ST6GALNAC5: variants seen among roughly 807,000 people sequenced by gnomAD.
ST6GALNAC5 encodes the protein alpha-N-acetylgalactosaminide alpha-2,6-sialyltransferase 5.
ST6GALNAC5 carries 27 observed loss-of-function variants against 33.6 expected under a neutral mutation model. The ratio of observed to expected loss-of-function variants is 0.80; its 90% CI spans 0.59 to 1.11. ST6GALNAC5 has a LOEUF of 1.11. Ranked by LOEUF, ST6GALNAC5 falls within the 50% of genes least tolerant of loss-of-function variation. The pLI, the probability that ST6GALNAC5 is intolerant of heterozygous loss-of-function variation, is 0.00. For synonymous variants in ST6GALNAC5, 194 were observed against 171.2 expected, an observed-to-expected ratio of 1.13 and a Z score of -1.04; for missense variants, 428 against 454.0, an observed-to-expected ratio of 0.94 and a Z score of 0.52.
chr1:77,040,428 A>C (rs1274825346), intron 2 of ST6GALNAC5, among the ~76,000 whole-genome samples: 1 of 152,226 alleles, frequency 6.6e-6, no homozygotes, highest in Admixed American at 6.5e-5. Flanking sequence ...AGGTAGCAGA[A>C]ATCAAGAGGG....
At position 77,050,472 on chromosome 1, in the gene ST6GALNAC5, C is replaced by G. The variant is rs1347127575; in HGVS notation, c.779+107C>G. 3.0e-6 allele frequency: 3 copies of G among 994,026 alleles called. No homozygotes were observed. In the Admixed American group the frequency reaches 6.0e-5, roughly 20 times the overall value. The allele number at this position is 994,026 out of a possible 1,614,324, so 61.6% of individuals were successfully genotyped here. ...AACATGTCTAACTGTCTTCTTGAAG[C>G]AATTAATTAGCATGTCCCAAGTTCT... On this transcript the variant is annotated intron_variant, in intron 4 of 4. Coordinates refer to ENST00000477717, the MANE Select transcript of ST6GALNAC5 (RefSeq NM_030965.3).
intron 2 of ST6GALNAC5, among the ~76,000 whole-genome samples, chr1:76,914,929 T>C (rs1317821697): frequency 6.6e-4 from 100 of 151,714 alleles, no homozygotes; most frequent in African/African-American, 2.3e-3. Context: ...AGAAAATTTT[T>C]GCAACCTACT....
At chr1:77,043,548 T>C (rs1375536401) in intron 2 of ST6GALNAC5, among the ~76,000 whole-genome samples, 1 of 152,196 alleles carries the variant, frequency 6.6e-6, no homozygotes, top group African/African-American at 2.4e-5. Flanking sequence ...TCCGTTAAAA[T>C]AGAAGAAGCA....
Position 77,010,306 on chromosome 1 carries a change from C to T in ST6GALNAC5, c.262-33898C>T, listed in dbSNP as rs1650585047. Among the ~76,000 whole-genome samples, 4 of 152,208 alleles carry T rather than the reference C, an allele frequency of 2.6e-5. No individual in the cohort carries two copies. In the South Asian group the frequency reaches 8.3e-4, roughly 32 times the overall value. On this transcript the variant is annotated intron_variant, in intron 2 of 4. Transcript: ENST00000477717. ...GGTAAGGTGGTCGAGACCAGCCTGACCAACATGGTGAAACCCCATCTCTAC... is the reference window on the plus strand; with the variant it reads ...GGTAAGGTGGTCGAGACCAGCCTGATCAACATGGTGAAACCCCATCTCTAC...
At chr1:76,936,730 A>C (rs1647207846) in intron 2 of ST6GALNAC5, among the ~76,000 whole-genome samples, 1 of 152,068 alleles carries the variant, frequency 6.6e-6, no homozygotes, top group African/African-American at 2.4e-5. Flanking sequence ...TTTTATAATC[A>C]CTTATCTTTT....
chr1:77,044,327 C>T lies in ST6GALNAC5; in HGVS notation c.385C>T (p.Arg129Cys), dbSNP rs763867212. 8 of 1,614,034 alleles carry T rather than the reference C, an allele frequency of 5.0e-6. No individual in the cohort carries two copies. Among genetic ancestry groups the T allele is most frequent in the Admixed American group, 3.3e-5 (2 of 60,026 alleles). The change falls in exon 3 of 5, where the codon CGC becomes TGC. Residue 129 changes from arginine (R) to cysteine (C), a missense_variant. Transcript: ENST00000477717. The part of the protein sequence containing the change: ...CVIRMNDAPT[R>C]GYGRDVGNRT... ...CATCCGCATGAATGACGCCCCCACA[C>T]GCGGCTATGGGCGTGACGTGGGCAA...
At chr1:76,987,388 G>A (rs1388906869) in intron 2 of ST6GALNAC5, among the ~76,000 whole-genome samples, 1 of 152,100 alleles carries the variant, frequency 6.6e-6, no homozygotes, top group Non-Finnish European at 1.5e-5. Flanking sequence ...ATCACAGTGA[G>A]ATATCATTTG....
At chr1:77,009,522 A>T (rs984835412) in intron 2 of ST6GALNAC5, among the ~76,000 whole-genome samples, 1 of 152,128 alleles carries the variant, frequency 6.6e-6, no homozygotes, top group African/African-American at 2.4e-5. Flanking sequence ...GAGGGATCCA[A>T]AGGGGAAATG....
At chr1:77,033,643 G>A (rs904284309) in intron 2 of ST6GALNAC5, among the ~76,000 whole-genome samples, 1 of 152,124 alleles carries the variant, frequency 6.6e-6, no homozygotes, top group Non-Finnish European at 1.5e-5. Context: ...AGGCAGTCAG[G>A]AAGGGCCTCC....
intron 2 of ST6GALNAC5, among the ~76,000 whole-genome samples, chr1:77,013,340 G>A (rs1468563804): frequency 6.6e-5 from 10 of 152,204 alleles, no homozygotes; most frequent in Non-Finnish European, 1.5e-4. Flanking sequence ...AAGCCATTCA[G>A]CCTCGTTTGT....
intron 2 of ST6GALNAC5, among the ~76,000 whole-genome samples, chr1:77,014,666 A>G (rs1192904870): frequency 6.6e-6 from 1 of 152,082 alleles, no homozygotes; most frequent in Non-Finnish European, 1.5e-5. Flanking sequence ...AGAGACACAG[A>G]CTCGGATTTC....
chr1:76,944,871 C>T (rs4620588), intron 2 of ST6GALNAC5, among the ~76,000 whole-genome samples: 5 of 151,720 alleles, frequency 3.3e-5, no homozygotes, highest in Non-Finnish European at 7.4e-5. Flanking sequence ...CAGAATTCAA[C>T]TGAGGGAAAA....
intron 2 of ST6GALNAC5, among the ~76,000 whole-genome samples, chr1:77,001,619 G>A (rs1408922377): frequency 6.6e-6 from 1 of 151,906 alleles, no homozygotes; most frequent in African/African-American, 2.4e-5. Flanking sequence ...GTATGATATT[G>A]GCTGTGAGTT....
At chr1:77,005,802 C>T (rs935734623) in intron 2 of ST6GALNAC5, among the ~76,000 whole-genome samples, 5 of 152,142 alleles carry the variant, frequency 3.3e-5, no homozygotes, top group Non-Finnish European at 7.4e-5. Context: ...AATCATACAG[C>T]GTTTGTCCTT....
chr1:77,034,442 A>G (rs1176627965), intron 2 of ST6GALNAC5, among the ~76,000 whole-genome samples: 1 of 152,114 alleles, frequency 6.6e-6, no homozygotes. Context: ...CTGTTTCTAG[A>G]TAAGATCATA....
rs1226535899 is a variant in ST6GALNAC5, at chr1:77,064,908, G to C, written c.*1702G>C. ...ACTAACTAGTACTATTAATTACACG[G>C]AGTATTGTTGTTAAAATGCAAACAC... is the stretch of plus-strand genomic sequence containing the variant. On this transcript the variant is annotated 3_prime_UTR_variant, in exon 5 of 5. Coordinates refer to ENST00000477717, the MANE Select transcript of ST6GALNAC5 (RefSeq NM_030965.3). 2.0e-5 allele frequency: 3 copies of C among 152,064 alleles called. No homozygotes were observed. Among genetic ancestry groups the C allele is most frequent in the African/African-American group, 7.2e-5 (3 of 41,402 alleles). 9.4% of individuals were successfully genotyped at this position (152,064 alleles called of 1,614,324 possible).
intron 2 of ST6GALNAC5, among the ~76,000 whole-genome samples, chr1:76,912,825 A>G (rs1398623651): frequency 6.6e-6 from 1 of 152,054 alleles, no homozygotes; most frequent in Non-Finnish European, 1.5e-5. Flanking sequence ...TGCACATGAG[A>G]TGGGTTTCCT....
At chr1:76,894,884 T>C (rs1163547544) in intron 2 of ST6GALNAC5, among the ~76,000 whole-genome samples, 3 of 152,192 alleles carry the variant, frequency 2.0e-5, no homozygotes, top group East Asian at 3.9e-4. Flanking sequence ...TTCACCTGGG[T>C]GCAGGTGGGC....
intron 2 of ST6GALNAC5, among the ~76,000 whole-genome samples, chr1:76,973,604 C>T (rs1648854645): frequency 1.3e-5 from 2 of 152,114 alleles, no homozygotes; most frequent in African/African-American, 4.8e-5. Flanking sequence ...GTCAAATTGA[C>T]ACATAAAATT....
Sources: gnomAD v4.1 joint callset for allele counts (sites outside exome capture counted in the v4.1 genomes callset) on GRCh38, gnomAD v4.1.1 for gene constraint, MANE v1.5 for transcripts, NCBI Gene and HGNC (gene_info 2026-07-23, HGNC 2026-07-21) for gene names.